The following GPC6 variants were observed in gnomAD, a reference collection of about 807,000 sequenced individuals.
The protein encoded by GPC6 is glypican 6, also known as glypican-6.
In GPC6, 14 loss-of-function variants were observed where a neutral mutation model predicts 55.2. The observed-to-expected ratio is 0.25, with a 90% CI of 0.17 to 0.40. The LOEUF (loss-of-function observed/expected upper bound fraction) is 0.40, where lower values mean the gene tolerates loss of function less well. GPC6 is among the 10% of genes least tolerant of loss of function. The pLI, the probability that GPC6 is intolerant of heterozygous loss-of-function variation, is 1.00. For synonymous variants in GPC6, 278 were observed against 259.6 expected (o/e 1.07, Z -0.68); for missense variants, 641 against 708.5 (o/e 0.90, Z 1.08).
chr13:93,697,382 A>G (rs768065682), intron 2 of GPC6, among the ~76,000 whole-genome samples: 12 of 152,156 alleles, frequency 7.9e-5, no homozygotes, highest in African/African-American at 2.7e-4. Context: ...TAAAATAGCC[A>G]TGCACCCTCA....
At chr13:94,088,561 G>A (rs1295342083) in intron 4 of GPC6, among the ~76,000 whole-genome samples, 2 of 104,872 alleles carry the variant, frequency 1.9e-5, no homozygotes, top group Non-Finnish European at 4.1e-5. Context: ...GAAGGGAAGG[G>A]CAGGGGAGGG....
At chr13:93,919,294 G>T (rs1278585848) in intron 3 of GPC6, among the ~76,000 whole-genome samples, 2 of 152,146 alleles carry the variant, frequency 1.3e-5, no homozygotes, top group Non-Finnish European at 2.9e-5. Flanking sequence ...GCACAAGAAA[G>T]ACCTAATGCA....
At chr13:93,988,712 C>T (rs372997181) in intron 3 of GPC6, among the ~76,000 whole-genome samples, 59 of 152,184 alleles carry the variant, frequency 3.9e-4, no homozygotes, top group African/African-American at 1.3e-3. Context: ...GTCTCCCAAA[C>T]GCTCTACCTC....
chr13:93,442,334 T>G (rs1485738518), intron 1 of GPC6, among the ~76,000 whole-genome samples: 1 of 152,126 alleles, frequency 6.6e-6, no homozygotes, highest in Non-Finnish European at 1.5e-5. Flanking sequence ...GCCTCCTGGT[T>G]TAAAGTGATG....
At chr13:93,954,482 A>AT (rs1393401512) in intron 3 of GPC6, among the ~76,000 whole-genome samples, 3 of 152,040 alleles carry the variant, frequency 2.0e-5, no homozygotes, top group Admixed American at 6.6e-5. Flanking sequence ...ACAACTAGCT[A>AT]TTTTTTGTAG....
intron 2 of GPC6, among the ~76,000 whole-genome samples, chr13:93,798,645 G>A (rs530127099): frequency 1.3e-4 from 20 of 152,080 alleles, no homozygotes; most frequent in South Asian, 2.1e-4. Flanking sequence ...CAGGCTGGGC[G>A]CGTTAGCTCA....
At chr13:94,386,209 A>C (rs1880397037) in intron 7 of GPC6, among the ~76,000 whole-genome samples, 1 of 152,022 alleles carries the variant, frequency 6.6e-6, no homozygotes, top group African/African-American at 2.4e-5. Context: ...AAATACAAAA[A>C]ATTAGCTGGG....
At chr13:93,354,070 GA>G (rs1284874679) in intron 1 of GPC6, among the ~76,000 whole-genome samples, 1 of 152,112 alleles carries the variant, frequency 6.6e-6, no homozygotes, top group Non-Finnish European at 1.5e-5. Context: ...CAAGAACTAA[GA>G]AGCAAGAAAA....
chr13:94,245,524 C>A (rs1891170828), intron 4 of GPC6, among the ~76,000 whole-genome samples: 1 of 152,008 alleles, frequency 6.6e-6, no homozygotes, highest in Admixed American at 6.6e-5. Context: ...GAATTGTGAT[C>A]ATGCTACTGC....
chr13:94,133,005 T>C (rs577735049), intron 4 of GPC6, among the ~76,000 whole-genome samples: 3 of 152,280 alleles, frequency 2.0e-5, no homozygotes, highest in South Asian at 2.1e-4. Context: ...TGTATGGCCA[T>C]TGTAAAATCT....
chr13:94,084,740 A>G (rs1885221723), intron 4 of GPC6, among the ~76,000 whole-genome samples: 1 of 152,220 alleles, frequency 6.6e-6, no homozygotes, highest in African/African-American at 2.4e-5. Context: ...TAACTTGCTC[A>G]AGATCACAAA....
At chr13:94,202,505 C>T (rs1889784052) in intron 4 of GPC6, among the ~76,000 whole-genome samples, 1 of 152,096 alleles carries the variant, frequency 6.6e-6, no homozygotes, top group African/African-American at 2.4e-5. Flanking sequence ...CATCAGATCT[C>T]GTGAGACTTA....
chr13:93,385,601 C>G (rs554618061), intron 1 of GPC6, among the ~76,000 whole-genome samples: 121 of 152,192 alleles, frequency 8.0e-4, no homozygotes, highest in Non-Finnish European at 1.2e-3. Context: ...ATGTTTAACT[C>G]GACAATCTGA....
Position 93,345,811 on chromosome 13 carries a change from A to G in GPC6, c.160+118195A>G, listed in dbSNP as rs572103401. 1.1e-4 allele frequency among the ~76,000 whole-genome samples: 16 copies of G among 152,284 alleles called. No individual in the cohort carries two copies. The South Asian group carries it at 2.3e-3, about 22-fold the overall frequency. On this transcript the variant is annotated intron_variant, in intron 1 of 8. Coordinates refer to ENST00000377047, the MANE Select transcript of GPC6 (RefSeq NM_005708.5). Reference sequence around the variant, plus strand: ...ATTTTACCACGTCTTGTTTGGCTTTAAAGTGATGTTCTGGTACAAGATATC... The same window carrying G: ...ATTTTACCACGTCTTGTTTGGCTTTGAAGTGATGTTCTGGTACAAGATATC...
chr13:93,745,807 T>C (rs1884378420), intron 2 of GPC6, among the ~76,000 whole-genome samples: 1 of 152,300 alleles, frequency 6.6e-6, no homozygotes, highest in Non-Finnish European at 1.5e-5. Context: ...CTGCTTCTGA[T>C]GATAAGAAGA....
At chr13:93,542,299 G>T (rs1434505515) in intron 1 of GPC6, among the ~76,000 whole-genome samples, 1 of 152,110 alleles carries the variant, frequency 6.6e-6, no homozygotes, top group Non-Finnish European at 1.5e-5. Context: ...CCCATTGCTT[G>T]TTTTTCTCAG....
chr13:93,372,846 A>T (rs917545957), intron 1 of GPC6, among the ~76,000 whole-genome samples: 1 of 152,212 alleles, frequency 6.6e-6, no homozygotes, highest in Non-Finnish European at 1.5e-5. Flanking sequence ...GATAGAATGC[A>T]TATAATGAGA....
chr13:94,152,650 C>T (rs1887782390), intron 4 of GPC6, among the ~76,000 whole-genome samples: 1 of 139,080 alleles, frequency 7.2e-6, no homozygotes, highest in Non-Finnish European at 1.5e-5. Context: ...ATCCTCAAGC[C>T]TACTTTAAAA....
rs915391220 is a variant in GPC6 at position 93,549,390 on chromosome 13, C to T, written c.319+3969C>T. Among the ~76,000 whole-genome samples, 13 of 152,090 alleles carry T rather than the reference C, an allele frequency of 8.5e-5. 1 individual carries two copies. The highest frequency in any genetic ancestry group is 4.1e-4 in the South Asian group (2 of 4,826). On this transcript the variant is annotated intron_variant, in intron 2 of 8. Coordinates refer to ENST00000377047, the MANE Select transcript of GPC6 (RefSeq NM_005708.5). Reference sequence around the variant, plus strand: ...TTGCTGTTGGCTACCAAGTAGCTCACGTGTAAGAGGAAATGGAGAACAGGC... The same window carrying T: ...TTGCTGTTGGCTACCAAGTAGCTCATGTGTAAGAGGAAATGGAGAACAGGC...
Sources: gnomAD v4.1 joint callset for allele counts (sites outside exome capture counted in the v4.1 genomes callset) on GRCh38, gnomAD v4.1.1 for gene constraint, MANE v1.5 for transcripts, NCBI Gene and HGNC (gene_info 2026-07-23, HGNC 2026-07-21) for gene names.